BTF3L4: variants seen among roughly 807,000 people sequenced by gnomAD.
BTF3L4 encodes basic transcription factor 3 like 4.
BTF3L4 carries 6 observed loss-of-function variants against 16.8 expected under a neutral mutation model. The ratio of observed to expected loss-of-function variants is 0.36; its 90% CI spans 0.20 to 0.71. The LOEUF is 0.71. BTF3L4 is among the 30% of genes least tolerant of loss of function. The pLI, the probability that BTF3L4 is intolerant of heterozygous loss-of-function variation, is 0.58. For synonymous variants in BTF3L4, 39 were observed against 59.8 expected, an observed-to-expected ratio of 0.65 and a Z score of 1.60; for missense variants, 92 against 186.9, an observed-to-expected ratio of 0.49 and a Z score of 2.96.
At chr1:52,071,674 T>C (rs961580611) in intron 3 of BTF3L4, among the ~76,000 whole-genome samples, 13 of 152,210 alleles carry the variant, frequency 8.5e-5, no homozygotes, top group Non-Finnish European at 1.9e-4. Context: ...CACATAAGTT[T>C]TACTTTTTAC....
intron 1 of BTF3L4, among the ~76,000 whole-genome samples, chr1:52,057,888 G>A (rs115217066): frequency 0.011 from 1,678 of 152,238 alleles, 47 homozygotes; most frequent in African/African-American, 0.038. Flanking sequence ...AGTTAATTTT[G>A]TTCTTGCTTT....
intron 3 of BTF3L4, among the ~76,000 whole-genome samples, chr1:52,081,006 ATTTTTGTATT>A (rs1438688754): frequency 6.7e-6 from 1 of 149,340 alleles, no homozygotes; most frequent in African/African-American, 2.5e-5. Flanking sequence ...CACCCAGCTA[ATTTTTGTATT>A]TTTAGTAGAG....
rs747390795 is a variant in BTF3L4, at chr1:52,064,607, A to T, written c.55-218A>T. ...TAGATAAGAATAATTCAACCTGAAAAAGCTGATAAGGAAAAAAAAGGAACT... is the reference window on the plus strand; with the variant it reads ...TAGATAAGAATAATTCAACCTGAAATAGCTGATAAGGAAAAAAAAGGAACT... On this transcript the variant is annotated intron_variant, in intron 2 of 5. Transcript: ENST00000313334. Among the ~76,000 whole-genome samples, 43 of 152,348 alleles carry T rather than the reference A, an allele frequency of 2.8e-4. No homozygotes were observed. In the East Asian group the frequency reaches 3.1e-3, roughly 11 times the overall value.
At chr1:52,075,248 T>C (rs1686900923) in intron 3 of BTF3L4, among the ~76,000 whole-genome samples, 1 of 151,992 alleles carries the variant, frequency 6.6e-6, no homozygotes, top group Non-Finnish European at 1.5e-5. Context: ...GATGAACTTT[T>C]CTATATATAA....
At chr1:52,079,140 C>T (rs185874994) in intron 3 of BTF3L4, among the ~76,000 whole-genome samples, 202 of 152,148 alleles carry the variant, frequency 1.3e-3, no homozygotes, top group African/African-American at 4.5e-3. Context: ...AACAATTCAT[C>T]GTTTGATAGT....
intron 2 of BTF3L4, 66 bp downstream of exon 2, chr1:52,059,967 A>G: frequency 7.0e-7 from 1 of 1,422,238 alleles, no homozygotes; most frequent in Non-Finnish European, 9.7e-7. Flanking sequence ...ATTATTTCGG[A>G]TTTGTGGTCA....
chr1:52,086,620 T>A (rs1481401142), intron 5 of BTF3L4, 92 bp from the exon 6 acceptor site: 1 of 737,550 alleles, frequency 1.4e-6, no homozygotes, highest in Non-Finnish European at 2.2e-6. Flanking sequence ...GTACTAATTT[T>A]ATTTTTTCGG....
chr1:52,062,088 C>T (rs1392094178), intron 2 of BTF3L4, among the ~76,000 whole-genome samples: 2 of 151,914 alleles, frequency 1.3e-5, no homozygotes, highest in African/African-American at 4.8e-5. Context: ...AGGCACCCGC[C>T]AGCATGCCCG....
At chr1:52,061,912 G>T (rs971008875) in intron 2 of BTF3L4, among the ~76,000 whole-genome samples, 5 of 151,010 alleles carry the variant, frequency 3.3e-5, no homozygotes, top group Non-Finnish European at 2.9e-5. Context: ...AAAGTGCTGG[G>T]ATTACAGGCG....
At chr1:52,083,070 A>T (rs1643940000) in intron 3 of BTF3L4, among the ~76,000 whole-genome samples, 1 of 152,192 alleles carries the variant, frequency 6.6e-6, no homozygotes, top group South Asian at 2.1e-4. Context: ...ATGGTCATGT[A>T]CTTCCTTCTC....
At chr1:52,065,858 T>C (rs1279237200) in intron 3 of BTF3L4, among the ~76,000 whole-genome samples, 2 of 151,952 alleles carry the variant, frequency 1.3e-5, no homozygotes, top group Non-Finnish European at 2.9e-5. Context: ...GCCAACATGG[T>C]GAAACCCTGT....
intron 3 of BTF3L4, among the ~76,000 whole-genome samples, chr1:52,075,812 C>T (rs1391197667): frequency 2.6e-5 from 4 of 151,830 alleles, no homozygotes; most frequent in Admixed American, 6.6e-5. Context: ...TACAGGCAGG[C>T]GCCACCACAC....
At chr1:52,058,936 G>A (rs1034487492) in intron 1 of BTF3L4, among the ~76,000 whole-genome samples, 50 of 152,160 alleles carry the variant, frequency 3.3e-4, no homozygotes, top group Non-Finnish European at 7.3e-5. Flanking sequence ...AATGTGGAAT[G>A]TGATGACCCA....
chr1:52,067,491 T>C (rs992528355), intron 3 of BTF3L4, among the ~76,000 whole-genome samples: 46 of 152,222 alleles, frequency 3.0e-4, no homozygotes, highest in South Asian at 8.3e-4. Context: ...TTGTAAGACC[T>C]GAAATTATAT....
chr1:52,084,840 G>A (rs1643955718), intron 4 of BTF3L4, among the ~76,000 whole-genome samples: 3 of 151,370 alleles, frequency 2.0e-5, no homozygotes, highest in Admixed American at 2.0e-4. Context: ...AGACATCTAT[G>A]TTTTTGTTAA....
At chr1:52,074,414 A>G (rs1314211229) in intron 3 of BTF3L4, among the ~76,000 whole-genome samples, 2 of 149,612 alleles carry the variant, frequency 1.3e-5, no homozygotes, top group Non-Finnish European at 3.0e-5. Context: ...CCTAGGCTGG[A>G]GTGCGGTGGG....
chr1:52,056,838 A>G (rs569627755), intron 1 of BTF3L4, among the ~76,000 whole-genome samples: 7 of 152,298 alleles, frequency 4.6e-5, no homozygotes, highest in African/African-American at 1.7e-4. Flanking sequence ...TCACCTTGTA[A>G]TGGCAGTGTT....
chr1:52,062,961 A>G (rs1197232590), intron 2 of BTF3L4, among the ~76,000 whole-genome samples: 1 of 152,174 alleles, frequency 6.6e-6, no homozygotes, highest in Non-Finnish European at 1.5e-5. Flanking sequence ...ATGAGAATCT[A>G]ATGCTGCCGC....
intron 1 of BTF3L4, among the ~76,000 whole-genome samples, chr1:52,059,392 A>G (rs1279340149): frequency 6.6e-6 from 1 of 152,224 alleles, no homozygotes; most frequent in Non-Finnish European, 1.5e-5. Context: ...TTTATAAGAA[A>G]TACAGAATGT....
Sources: allele counts gnomAD v4.1 joint callset (sites outside exome capture counted in the v4.1 genomes callset), GRCh38; gene constraint gnomAD v4.1.1; transcripts MANE v1.5; gene names NCBI Gene and HGNC (gene_info 2026-07-23, HGNC 2026-07-21).